SLC30A8: variants seen among roughly 807,000 people sequenced by gnomAD.
SLC30A8 encodes the protein proton-coupled zinc antiporter SLC30A8.
A neutral mutation model predicts 36.9 loss-of-function variants in SLC30A8; 27 were observed. The ratio of observed to expected loss-of-function variants is 0.73; its 90% CI spans 0.54 to 1.01. The LOEUF (loss-of-function observed/expected upper bound fraction) is 1.01. Ranked by LOEUF, SLC30A8 falls within the 50% of genes least tolerant of loss-of-function variation. The probability of loss-of-function intolerance (pLI) is 0.00; values close to 1 mark genes in which losing one functional copy is unlikely to be tolerated. For synonymous variants in SLC30A8, 164 were observed against 172.4 expected (o/e 0.95, Z 0.38); for missense variants, 439 against 452.0 (o/e 0.97, Z 0.26).
chr8:117,069,294 G>A (rs141780011), intron 2 of SLC30A8, among the ~76,000 whole-genome samples: 4 of 152,250 alleles, frequency 2.6e-5, no homozygotes, highest in East Asian at 1.9e-4. Context: ...AAAGTATATC[G>A]TGGTGTTCCA....
intron 2 of SLC30A8, among the ~76,000 whole-genome samples, chr8:117,068,343 T>G (rs576100668): frequency 2.6e-5 from 4 of 152,260 alleles, no homozygotes; most frequent in African/African-American, 9.6e-5. Context: ...AAGAAACAGC[T>G]TTAGGTTCAG....
intron 1 of SLC30A8, among the ~76,000 whole-genome samples, chr8:117,007,647 A>G (rs1174320908): frequency 6.6e-6 from 1 of 152,174 alleles, no homozygotes; most frequent in Non-Finnish European, 1.5e-5. Flanking sequence ...ATAACACTAA[A>G]GGTTTTGCAT....
At chr8:117,081,369 A>G (rs1818672777) in intron 2 of SLC30A8, among the ~76,000 whole-genome samples, 1 of 152,146 alleles carries the variant, frequency 6.6e-6, no homozygotes, top group Non-Finnish European at 1.5e-5. Context: ...TGGCTTGCAG[A>G]TGGCCGTCTT....
chr8:117,004,978 T>A (rs1467836248), intron 1 of SLC30A8, among the ~76,000 whole-genome samples: 3 of 151,888 alleles, frequency 2.0e-5, no homozygotes, highest in African/African-American at 7.2e-5. Flanking sequence ...TCCCCACCTT[T>A]AAAAAAAACA....
chr8:117,118,987 C>T (rs1248723209), intron 2 of SLC30A8, among the ~76,000 whole-genome samples: 1 of 151,860 alleles, frequency 6.6e-6, no homozygotes. Context: ...GGCCTAATGT[C>T]TGTGGGGATT....
At chr8:117,161,989 T>A in intron 5 of SLC30A8, 101 bp downstream of exon 5, 2 of 1,057,244 alleles carry the variant, frequency 1.9e-6, no homozygotes, top group Non-Finnish European at 2.7e-6. Context: ...ATCCTCTGTT[T>A]ACCTATACAA....
intron 1 of SLC30A8, among the ~76,000 whole-genome samples, chr8:116,987,616 T>C (rs1012307404): frequency 5.4e-5 from 8 of 148,568 alleles, no homozygotes; most frequent in African/African-American, 1.8e-4. Context: ...TCACTACTAT[T>C]TACCAAAAAA....
At chr8:117,093,658 A>G (rs1819233730) in intron 2 of SLC30A8, among the ~76,000 whole-genome samples, 1 of 152,212 alleles carries the variant, frequency 6.6e-6, no homozygotes, top group South Asian at 2.1e-4. Context: ...ACACTAACTC[A>G]TTAGTAACAC....
At chr8:116,991,264 G>GT (rs1815633175) in intron 1 of SLC30A8, among the ~76,000 whole-genome samples, 1 of 151,402 alleles carries the variant, frequency 6.6e-6, no homozygotes, top group Non-Finnish European at 1.5e-5. Flanking sequence ...ATGTCTAACT[G>GT]TATTTTCATA....
intron 2 of SLC30A8, among the ~76,000 whole-genome samples, chr8:117,103,052 AT>A (rs1273519765): frequency 6.6e-6 from 1 of 152,118 alleles, no homozygotes; most frequent in Non-Finnish European, 1.5e-5. Context: ...CTTACTACAT[AT>A]AATTAACTTG....
chr8:117,081,813 G>A (rs938997093), intron 2 of SLC30A8, among the ~76,000 whole-genome samples: 1 of 152,180 alleles, frequency 6.6e-6, no homozygotes, highest in Non-Finnish European at 1.5e-5. Flanking sequence ...ATATGTGTTT[G>A]TGGCCAGCTA....
intron 1 of SLC30A8, among the ~76,000 whole-genome samples, chr8:117,139,912 G>A (rs1277134668): frequency 2.0e-5 from 3 of 148,596 alleles, no homozygotes; most frequent in African/African-American, 7.4e-5. Context: ...TTTAGAATTT[G>A]AATATTTCAA....
chr8:117,037,583 G>T (rs1817255588), intron 1 of SLC30A8, among the ~76,000 whole-genome samples: 1 of 152,084 alleles, frequency 6.6e-6, no homozygotes, highest in South Asian at 2.1e-4. Context: ...GAGATAAAAT[G>T]TACCATTGAG....
chr8:117,042,638 A>T (rs897430869), intron 2 of SLC30A8, among the ~76,000 whole-genome samples: 2 of 151,776 alleles, frequency 1.3e-5, no homozygotes, highest in African/African-American at 4.8e-5. Flanking sequence ...GGAATAGGCT[A>T]AATAATACTA....
chr8:117,117,413 C>G (rs1029492455), intron 2 of SLC30A8, among the ~76,000 whole-genome samples: 2 of 151,838 alleles, frequency 1.3e-5, no homozygotes, highest in Non-Finnish European at 2.9e-5. Flanking sequence ...GAGTCAGGTC[C>G]CAGAGGATCC....
upstream of SLC30A8, among the ~76,000 whole-genome samples, chr8:117,133,690 A>G (rs1821230616): frequency 6.6e-6 from 1 of 152,034 alleles, no homozygotes; most frequent in African/African-American, 2.4e-5. Context: ...AAGCTGTGAC[A>G]TATGGCAGTG....
chr8:117,112,315 T>A (rs1226509005), intron 2 of SLC30A8, among the ~76,000 whole-genome samples: 2 of 152,206 alleles, frequency 1.3e-5, no homozygotes, highest in African/African-American at 4.8e-5. Flanking sequence ...TCAGAGAATT[T>A]TAATTAAGCT....
intron 3 of SLC30A8, among the ~76,000 whole-genome samples, chr8:117,153,339 C>G (rs1340950696): frequency 6.6e-6 from 1 of 152,192 alleles, no homozygotes; most frequent in Non-Finnish European, 1.5e-5. Context: ...AGCAACTGCC[C>G]CAGCCTCAGG....
intron 1 of SLC30A8, among the ~76,000 whole-genome samples, chr8:116,995,343 A>G (rs890744976): frequency 6.6e-6 from 1 of 152,094 alleles, no homozygotes; most frequent in Non-Finnish European, 1.5e-5. Flanking sequence ...AAGCCACCAA[A>G]TAAAGCCATC....
Sources: gnomAD v4.1 joint callset for allele counts (sites outside exome capture counted in the v4.1 genomes callset) on GRCh38, gnomAD v4.1.1 for gene constraint, MANE v1.5 for transcripts, NCBI Gene and HGNC (gene_info 2026-07-23, HGNC 2026-07-21) for gene names.